CCSER1: variants seen among roughly 807,000 people sequenced by gnomAD.
CCSER1 encodes the protein coiled-coil serine rich protein 1.
CCSER1 carries 41 observed loss-of-function variants against 82.0 expected under a neutral mutation model. The ratio of observed to expected loss-of-function variants is 0.50; its 90% confidence interval spans 0.39 to 0.65. The LOEUF (loss-of-function observed/expected upper bound fraction) is 0.65, where lower values mean the gene tolerates loss of function less well. CCSER1 is among the 30% of genes least tolerant of loss of function. The probability of loss-of-function intolerance (pLI) is 0.00; values close to 1 mark genes in which losing one functional copy is unlikely to be tolerated. For synonymous variants in CCSER1, 414 were observed against 383.9 expected (o/e 1.08, Z -0.92); for missense variants, 1,119 against 1,064.2 (o/e 1.05, Z -0.72).
intron 10 of CCSER1, among the ~76,000 whole-genome samples, chr4:91,357,890 T>C (rs368246485): frequency 2.8e-5 from 2 of 72,680 alleles, no homozygotes; most frequent in Non-Finnish European, 6.6e-5. Flanking sequence ...CCCCCCCCTT[T>C]TTTTTTTTTT....
intron 10 of CCSER1, among the ~76,000 whole-genome samples, chr4:91,234,643 T>A (rs574399905): frequency 4.6e-5 from 7 of 152,250 alleles, no homozygotes; most frequent in African/African-American, 1.7e-4. Context: ...ATAGTCCAGA[T>A]GGAAATTTGA....
At chr4:90,796,410 A>T (rs1756037582) in intron 7 of CCSER1, among the ~76,000 whole-genome samples, 1 of 101,454 alleles carries the variant, frequency 9.9e-6, no homozygotes, top group African/African-American at 4.5e-5. Flanking sequence ...TATCTATTGT[A>T]CTAAATTTAA....
intron 7 of CCSER1, among the ~76,000 whole-genome samples, chr4:90,813,249 C>T (rs72877492): frequency 0.33 from 50,761 of 152,100 alleles, 8,624 homozygotes; most frequent in East Asian, 0.42. Flanking sequence ...AAAAGGGCCA[C>T]AGGCCTCATG....
At chr4:91,503,022 A>C (rs887027350) in intron 10 of CCSER1, among the ~76,000 whole-genome samples, 21 of 152,164 alleles carry the variant, frequency 1.4e-4, no homozygotes, top group African/African-American at 4.3e-4. Context: ...TTTACTTTTA[A>C]ATCTTTGTTT....
chr4:90,383,870 T>C (rs1268940916), intron 3 of CCSER1, among the ~76,000 whole-genome samples: 2 of 152,048 alleles, frequency 1.3e-5, no homozygotes, highest in Non-Finnish European at 2.9e-5. Context: ...TAGCTAGGAC[T>C]ACAGGCCTGT....
At chr4:90,787,793 C>T (rs185608363) in intron 7 of CCSER1, among the ~76,000 whole-genome samples, 20 of 152,166 alleles carry the variant, frequency 1.3e-4, no homozygotes, top group African/African-American at 2.6e-4. Flanking sequence ...ACATTTTGAC[C>T]GGCATTTTGA....
chr4:90,804,089 T>A (rs1032721321), intron 7 of CCSER1, among the ~76,000 whole-genome samples: 5 of 152,180 alleles, frequency 3.3e-5, no homozygotes, highest in African/African-American at 7.2e-5. Flanking sequence ...TTTGTTTAAG[T>A]TTTTTGTAGA....
chr4:90,615,905 T>C (rs1197691532), intron 5 of CCSER1, among the ~76,000 whole-genome samples: 1 of 152,136 alleles, frequency 6.6e-6, no homozygotes, highest in African/African-American at 2.4e-5. Context: ...AGTGACTAGA[T>C]GCAGCAAACT....
In CCSER1 at chr4:90,336,945, T is replaced by C. The variant is rs113872413; in HGVS notation, c.1509+23898T>C. ...CTGGCCCTAAGCCTAAAATCAAAGG[T>C]GAACACATCACAAATGGTTTATTTA... is the stretch of plus-strand genomic sequence containing the variant. On this transcript the variant is annotated intron_variant, in intron 3 of 10. Transcript: ENST00000509176. Among the ~76,000 whole-genome samples, 563 of 152,240 alleles carry C rather than the reference T, an allele frequency of 3.7e-3. 1 individual carries two copies. The highest frequency in any genetic ancestry group is 5.0e-3 in the Non-Finnish European group (342 of 68,006).
Position 91,598,844 on chromosome 4 carries a change from G to C in CCSER1, c.2490G>C (p.Leu830=). The C allele has an allele frequency of 6.4e-7, 1 of 1,551,628 alleles. No individual in the cohort carries two copies. Among genetic ancestry groups the C allele is most frequent in the Non-Finnish European group, 8.7e-7 (1 of 1,146,924 alleles). Residue 830 remains leucine (L), a synonymous_variant, in exon 11 of 11, where the codon CTG becomes CTC. Coordinates refer to ENST00000509176, the MANE Select transcript of CCSER1 (RefSeq NM_001145065.2). ...GGGCCACCGTTGGGCAGAGCTCTCT[G>C]AAGCCAACAGCTAAGACAGAAGGGC... ...NLRATVGQSS[L]KPTAKTEGLS...
intron 3 of CCSER1, among the ~76,000 whole-genome samples, chr4:90,377,276 T>C (rs890745332): frequency 6.6e-6 from 1 of 152,214 alleles, no homozygotes; most frequent in African/African-American, 2.4e-5. Flanking sequence ...AATGTGTTGT[T>C]AAAGCTAATT....
At chr4:91,402,144 G>C (rs558302430) in intron 10 of CCSER1, among the ~76,000 whole-genome samples, 42 of 152,168 alleles carry the variant, frequency 2.8e-4, no homozygotes, top group East Asian at 5.8e-4. Context: ...TCTCTGATGG[G>C]CAGTGATGAT....
chr4:91,031,313 T>C (rs1740962280), intron 9 of CCSER1, among the ~76,000 whole-genome samples: 1 of 152,168 alleles, frequency 6.6e-6, no homozygotes, highest in Non-Finnish European at 1.5e-5. Flanking sequence ...CCTGGAATAC[T>C]CCCTTTGTCC....
At chr4:91,423,873 A>C (rs979629812) in intron 10 of CCSER1, among the ~76,000 whole-genome samples, 2 of 152,106 alleles carry the variant, frequency 1.3e-5, no homozygotes, top group African/African-American at 4.8e-5. Context: ...CAGGCAGAGA[A>C]ATGTCATATA....
At chr4:91,244,782 A>G (rs1392157376) in intron 10 of CCSER1, among the ~76,000 whole-genome samples, 1 of 152,188 alleles carries the variant, frequency 6.6e-6, no homozygotes, top group Non-Finnish European at 1.5e-5. Context: ...CACAAAAAGA[A>G]TTAAATAAGG....
intron 3 of CCSER1, among the ~76,000 whole-genome samples, chr4:90,364,406 G>A (rs1014972453): frequency 2.6e-5 from 4 of 151,944 alleles, no homozygotes; most frequent in Admixed American, 2.0e-4. Flanking sequence ...TGAAAGGTTC[G>A]GAATCACTAA....
At position 90,543,886 on chromosome 4, in the gene CCSER1, G is replaced by A. The variant is rs186090252; in HGVS notation, c.1724+75532G>A. Among the ~76,000 whole-genome samples the A allele has an allele frequency of 1.2e-4, 18 of 152,180 alleles. No individual in the cohort carries two copies. The East Asian group carries it at 1.5e-3, about 13-fold the overall frequency. On this transcript the variant is annotated intron_variant, in intron 5 of 10. Coordinates refer to ENST00000509176, the MANE Select transcript of CCSER1 (RefSeq NM_001145065.2). ...TAGTTAGGATTAGTATTAAACCCTC[G>A]GATCTGAAATTGTGATGAAAGGGTC...
chr4:91,501,778 G>A (rs1759224874), intron 10 of CCSER1, among the ~76,000 whole-genome samples: 1 of 152,008 alleles, frequency 6.6e-6, no homozygotes, highest in South Asian at 2.1e-4. Context: ...ATATTAGTAA[G>A]AGAACTCAAT....
intron 8 of CCSER1, among the ~76,000 whole-genome samples, chr4:90,853,038 C>T (rs547262697): frequency 1.1e-4 from 16 of 151,556 alleles, no homozygotes; most frequent in South Asian, 2.1e-4. Flanking sequence ...AGATAAAGTA[C>T]GGAATAAAGA....
Sources: gnomAD v4.1 joint callset for allele counts (sites outside exome capture counted in the v4.1 genomes callset) on GRCh38, gnomAD v4.1.1 for gene constraint, MANE v1.5 for transcripts, NCBI Gene and HGNC (gene_info 2026-07-23, HGNC 2026-07-21) for gene names.